The following AFAP1 variants were observed in gnomAD, a reference collection of about 807,000 sequenced individuals.
The protein encoded by AFAP1 is actin filament-associated protein 1.
In AFAP1, 75 loss-of-function variants were observed where a neutral mutation model predicts 93.9. The observed-to-expected ratio is 0.80, with a 90% confidence interval of 0.66 to 0.97. AFAP1 has a LOEUF of 0.97. AFAP1 is among the 50% of genes least tolerant of loss of function. AFAP1 has a pLI of 0.00. For synonymous variants in AFAP1, 517 were observed against 430.7 expected, an observed-to-expected ratio of 1.20 and a Z score of -2.48; for missense variants, 1,201 against 1,050.8, an observed-to-expected ratio of 1.14 and a Z score of -1.98.
chr4:7,781,428 G>A lies in AFAP1; in HGVS notation c.1730C>T (p.Ser577Phe). The change falls in exon 13 of 18, where the codon TCT (serine) becomes TTT (phenylalanine). Residue 577 changes from serine to phenylalanine, a missense_variant. Transcript: ENST00000420658. ...CCCCACAGAAGAGGTATTAGTGACA[G>A]ACTGAGCGGAGGCAGGGTATTTGTA... Reference protein sequence around the residue: ...NHYKYPASAQSVTNTSSVGRA... With the variant: ...NHYKYPASAQFVTNTSSVGRA... 6.4e-7 allele frequency: 1 copy of A among 1,552,080 alleles called. No individual in the cohort carries two copies. Among genetic ancestry groups the A allele is most frequent in the Non-Finnish European group, 8.7e-7 (1 of 1,147,086 alleles).
At chr4:7,863,380 C>T (rs557422630) in intron 3 of AFAP1, among the ~76,000 whole-genome samples, 1 of 152,150 alleles carries the variant, frequency 6.6e-6, no homozygotes, top group Non-Finnish European at 1.5e-5. Flanking sequence ...GATCGTGCCA[C>T]TGCACTCCAG....
intron 6 of AFAP1, among the ~76,000 whole-genome samples, chr4:7,825,847 G>A (rs1721372593): frequency 6.6e-6 from 1 of 151,514 alleles, no homozygotes; most frequent in Admixed American, 6.6e-5. Flanking sequence ...GCAAGACTGT[G>A]AAGAAGAAAA....
intron 1 of AFAP1, among the ~76,000 whole-genome samples, chr4:7,885,083 C>A (rs1176485583): frequency 2.6e-5 from 4 of 152,198 alleles, no homozygotes; most frequent in South Asian, 4.1e-4. Flanking sequence ...ATTTCAGGCT[C>A]CAATTAAGAA....
At chr4:7,788,793 C>CCCA (rs1237670163) in intron 11 of AFAP1, 1 of 66,040 alleles carries the variant, frequency 1.5e-5, no homozygotes, top group Admixed American at 1.5e-4. Flanking sequence ...CAGGGACCAT[C>CCCA]CCCTCCCCTG....
In AFAP1 at chr4:7,786,223, A is replaced by G; in HGVS notation, c.1501T>C (p.Tyr501His). The G allele has an allele frequency of 6.2e-7, 1 of 1,614,192 alleles. No individual in the cohort carries two copies. Among genetic ancestry groups the G allele is most frequent in the Non-Finnish European group, 8.5e-7 (1 of 1,180,028 alleles). The stretch of plus-strand genomic sequence containing the variant: ...CCGTTGATGCACGGGACATCGTCAT[A>G]ATGAAGTGCCGTCCCGCTGGGGTGG... ...YAHPSGTALH[Y>H]DDVPCINGSW... Residue 501 changes from tyrosine (Y) to histidine (H), a missense_variant, in exon 12 of 18, where the codon TAT (tyrosine) becomes CAT (histidine). Physicochemically the swap from Tyr to His is moderately conservative, Grantham distance 83. Coordinates refer to ENST00000420658, the MANE Select transcript of AFAP1 (RefSeq NM_001134647.2).
At chr4:7,789,509 C>T (rs1279500810) in intron 11 of AFAP1, among the ~76,000 whole-genome samples, 1 of 140,746 alleles carries the variant, frequency 7.1e-6, no homozygotes, top group Non-Finnish European at 1.5e-5. Context: ...ATCCGTGCAT[C>T]TCCCCATGCT....
At chr4:7,900,501 G>A (rs1422712946) in intron 1 of AFAP1, among the ~76,000 whole-genome samples, 5 of 152,182 alleles carry the variant, frequency 3.3e-5, no homozygotes, top group African/African-American at 1.2e-4. Context: ...TGGACAGTGT[G>A]GCCAGGAGGA....
At chr4:7,919,868 T>A (rs1460881694) in intron 1 of AFAP1, among the ~76,000 whole-genome samples, 2 of 151,348 alleles carry the variant, frequency 1.3e-5, no homozygotes, top group Non-Finnish European at 2.9e-5. Context: ...ATTGTTCAGC[T>A]CCCACTTATA....
chr4:7,848,203 AAGGGAGGGAGGG>A (rs71175433), intron 4 of AFAP1, among the ~76,000 whole-genome samples: 3 of 39,050 alleles, frequency 7.7e-5, no homozygotes, highest in Non-Finnish European at 1.4e-4. Flanking sequence ...GGAAGGAAGC[AAGGGAGGGAGGG>A]AGGGAGGGAG....
In AFAP1 at chr4:7,774,769, CTT is replaced by C; in HGVS notation, c.2030_2031del (p.Lys677ArgfsTer7). On this transcript the variant is annotated frameshift_variant, in exon 15 of 18. Transcript: ENST00000420658. LOFTEE classifies it high-confidence loss of function. The part of the protein sequence containing the change: ...NRLAQLRKER[K>X]DLRAAIEVNA... The stretch of plus-strand genomic sequence containing the variant: ...TTCACTTCAATAGCCGCTCGAAGGT[CTT>C]TTCTTTCCTTGCGGAGCTGGGCCAG... 6.2e-7 allele frequency: 1 copy of C among 1,614,220 alleles called. No individual in the cohort carries two copies. The highest frequency in any genetic ancestry group is 8.5e-7 in the Non-Finnish European group (1 of 1,180,048).
intron 6 of AFAP1, among the ~76,000 whole-genome samples, chr4:7,833,954 C>G (rs1037217630): frequency 6.6e-6 from 1 of 152,038 alleles, no homozygotes; most frequent in Non-Finnish European, 1.5e-5. Context: ...TACTGGGTGT[C>G]TACCCAGAGG....
At chr4:7,785,266 A>G (rs1052422915) in intron 12 of AFAP1, among the ~76,000 whole-genome samples, 4 of 152,156 alleles carry the variant, frequency 2.6e-5, no homozygotes, top group Non-Finnish European at 5.9e-5. Flanking sequence ...CACAGACACA[A>G]CACACTGAGA....
intron 4 of AFAP1, among the ~76,000 whole-genome samples, chr4:7,852,343 T>G (rs28735181): frequency 0.092 from 14,000 of 152,026 alleles, 1,212 homozygotes; most frequent in East Asian, 0.48. Flanking sequence ...ATGGTTTCAT[T>G]AAACTGGAAG....
intron 1 of AFAP1, among the ~76,000 whole-genome samples, chr4:7,901,316 A>C (rs1719104686): frequency 6.6e-6 from 1 of 152,208 alleles, no homozygotes; most frequent in African/African-American, 2.4e-5. Flanking sequence ...CGTCCTTCTG[A>C]CATCAAATCA....
At chr4:7,807,824 G>A (rs73208822) in intron 9 of AFAP1, among the ~76,000 whole-genome samples, 1,715 of 152,318 alleles carry the variant, frequency 0.011, 10 homozygotes, top group Non-Finnish European at 0.019. Flanking sequence ...TCAAGACAGT[G>A]CACGCCATAG....
At chr4:7,843,546 T>C (rs1713313743) in intron 4 of AFAP1, among the ~76,000 whole-genome samples, 196 bp from the exon 5 acceptor site, 1 of 152,152 alleles carries the variant, frequency 6.6e-6, no homozygotes. Flanking sequence ...GGAAACTCAA[T>C]GACAAGGTGA....
rs751775943 is a variant in AFAP1, at chr4:7,772,933, C to G, written c.2140G>C (p.Val714Leu). Residue 714 changes from valine to leucine, a missense_variant, in exon 16 of 18, where the codon GTC (valine) becomes CTC (leucine). Transcript: ENST00000420658. ...TCCGTCAGCTCCAGCTCCAGGCTGA[C>G]ACGCTCCGCCTCCTTCTGCCGGCAC... ...EECRQKEAER[V>L]SLELELTEVK... 3 of 1,613,888 alleles carry G rather than the reference C, an allele frequency of 1.9e-6. No homozygotes were observed. The highest frequency in any genetic ancestry group is 2.5e-6 in the Non-Finnish European group (3 of 1,180,054).
intron 4 of AFAP1, among the ~76,000 whole-genome samples, chr4:7,845,762 GC>G (rs1156590054): frequency 1.3e-5 from 2 of 152,084 alleles, no homozygotes; most frequent in East Asian, 3.9e-4. Flanking sequence ...GCTTCACAGG[GC>G]AGCCACAGGG....
At chr4:7,777,880 G>C (rs1716310689) in intron 14 of AFAP1, 1 of 152,248 alleles carries the variant, frequency 6.6e-6, no homozygotes, top group South Asian at 2.1e-4. Flanking sequence ...AGCCCCTTGA[G>C]TGAAAAAATG....
Sources: gnomAD v4.1 joint callset for allele counts (sites outside exome capture counted in the v4.1 genomes callset) on GRCh38, gnomAD v4.1.1 for gene constraint, MANE v1.5 for transcripts, NCBI Gene and HGNC (gene_info 2026-07-23, HGNC 2026-07-21) for gene names.